SRC: variants seen among roughly 807,000 people sequenced by gnomAD.
SRC encodes SRC proto-oncogene, non-receptor tyrosine kinase.
SRC carries 13 observed loss-of-function variants against 62.9 expected under a neutral mutation model. The observed-to-expected ratio is 0.21, with a 90% CI of 0.13 to 0.33. SRC has a LOEUF of 0.33. SRC is among the 10% of genes least tolerant of loss of function. The pLI is 1.00. For synonymous variants in SRC, 302 were observed against 317.5 expected (o/e 0.95, Z 0.52); for missense variants, 457 against 737.3 (o/e 0.62, Z 4.40).
Position 37,394,271 on chromosome 20 carries a change from A to T in SRC, c.547A>T (p.Thr183Ser). The T allele has an allele frequency of 6.2e-7, 1 of 1,613,808 alleles. No homozygotes were observed. The highest frequency in any genetic ancestry group is 8.5e-7 in the Non-Finnish European group (1 of 1,179,920). ...CTTCCTCGTGCGAGAAAGTGAGACC[A>T]CGAAAGGTACGAGCGCTCTTGCTGG... is the stretch of plus-strand genomic sequence containing the variant. Reference protein sequence around the residue: ...GTFLVRESETTKGAYCLSVSD... With the variant: ...GTFLVRESETSKGAYCLSVSD... The change falls in exon 7 of 14, where the codon ACG becomes TCG. Residue 183 changes from threonine (T) to serine (S), a missense_variant. Physicochemically the swap from Thr to Ser is moderately conservative, Grantham distance 58. Coordinates refer to ENST00000373578, the MANE Select transcript of SRC (RefSeq NM_198291.3).
chr20:37,379,846 A>C (rs1267609896), intron 2 of SRC, among the ~76,000 whole-genome samples: 1 of 144,182 alleles, frequency 6.9e-6, no homozygotes. Context: ...CAGTGAGCCG[A>C]GATCGCGCCA....
At position 37,351,001 on chromosome 20, in the gene SRC, G is replaced by A. The variant is rs1314959544; in HGVS notation, c.-247+4746G>A. Among the ~76,000 whole-genome samples, 2 of 152,186 alleles carry A rather than the reference G, an allele frequency of 1.3e-5. No individual in the cohort carries two copies. The highest frequency in any genetic ancestry group is 1.3e-4 in the Admixed American group (2 of 15,286). On this transcript the variant is annotated intron_variant, in intron 1 of 13. Coordinates refer to ENST00000373578, the MANE Select transcript of SRC (RefSeq NM_198291.3). This position sits in a 1 kb window ranked among gnomAD's most constrained non-coding sequence, Gnocchi z 4.4. The stretch of plus-strand genomic sequence containing the variant: ...AAATCATCTACGCTGGGAGAAAAAT[G>A]CAGAGCTCTTGTCTTCGATCCAGGA...
chr20:37,365,656 C>T (rs2070052232), intron 2 of SRC, among the ~76,000 whole-genome samples: 1 of 151,966 alleles, frequency 6.6e-6, no homozygotes, highest in Non-Finnish European at 1.5e-5. Flanking sequence ...CACAATCATG[C>T]TCACCGTAGC....
chr20:37,354,039 T>A (rs537951574), intron 1 of SRC, among the ~76,000 whole-genome samples: 1 of 152,286 alleles, frequency 6.6e-6, no homozygotes, highest in East Asian at 1.9e-4. Context: ...AAGTGCTCGG[T>A]GCGTGTTATT....
At chr20:37,356,801 A>G (rs533303600) in intron 1 of SRC, among the ~76,000 whole-genome samples, 2 of 151,232 alleles carry the variant, frequency 1.3e-5, no homozygotes, top group South Asian at 4.2e-4. Context: ...GAGGGTCTGG[A>G]CTCTAGACAG....
intron 2 of SRC, among the ~76,000 whole-genome samples, chr20:37,375,617 C>T (rs1270869024): frequency 1.3e-5 from 2 of 152,078 alleles, no homozygotes; most frequent in Non-Finnish European, 2.9e-5. Context: ...TCCAGCAGTC[C>T]GTCTGCCTCA....
chr20:37,384,260 A>G lies in SRC; in HGVS notation c.107A>G (p.Gln36Arg). Residue 36 changes from glutamine to arginine, a missense_variant, in exon 4 of 14, where the codon CAG (glutamine) becomes CGG (arginine). Coordinates refer to ENST00000373578, the MANE Select transcript of SRC (RefSeq NM_198291.3). This position sits in a 1 kb window ranked among gnomAD's most constrained non-coding sequence, Gnocchi z 6.7. The stretch of plus-strand genomic sequence containing the variant: ...GGCGGGGGCGCTTTCCCCGCCTCGC[A>G]GACCCCCAGCAAGCCAGCCTCGGCC... Reference protein sequence around the residue: ...GAGGGAFPASQTPSKPASADG... With the variant: ...GAGGGAFPASRTPSKPASADG... 1 of 1,560,398 alleles carries G rather than the reference A, an allele frequency of 6.4e-7. No homozygotes were observed. Among genetic ancestry groups the G allele is most frequent in the East Asian group, 2.6e-5 (1 of 39,132 alleles).
chr20:37,382,104 C>T (rs2070373227), intron 2 of SRC, among the ~76,000 whole-genome samples: 1 of 152,200 alleles, frequency 6.6e-6, no homozygotes, highest in South Asian at 2.1e-4. Flanking sequence ...GCCTTTTCCC[C>T]ACTCATGGGT....
At position 37,397,926 on chromosome 20, in the gene SRC, G is replaced by T. The variant is rs996348680; in HGVS notation, c.859+72G>T. 1.3e-6 allele frequency: 2 copies of T among 1,506,074 alleles called. No individual in the cohort carries two copies. The highest frequency in any genetic ancestry group is 1.8e-6 in the Non-Finnish European group (2 of 1,127,572). The allele number at this position is 1,506,074 out of a possible 1,614,324, so 93.3% of individuals were successfully genotyped here. Reference sequence around the variant, plus strand: ...CGTGTGGCAGCTCCGGGCTCCCTTGGTCCCTTTGCCTTTAGCTGCCTCTGC... The same window carrying T: ...CGTGTGGCAGCTCCGGGCTCCCTTGTTCCCTTTGCCTTTAGCTGCCTCTGC... On this transcript the variant is annotated intron_variant, in intron 9 of 13. Coordinates refer to ENST00000373578, the MANE Select transcript of SRC (RefSeq NM_198291.3). The surrounding 1 kb of genome is among the most constrained non-coding windows in gnomAD (Gnocchi z 4.1).
At chr20:37,372,549 A>G (rs2070182241) in intron 2 of SRC, among the ~76,000 whole-genome samples, 1 of 152,144 alleles carries the variant, frequency 6.6e-6, no homozygotes, top group Non-Finnish European at 1.5e-5. Context: ...CATACTTTGT[A>G]TGATTTCACT....
At chr20:37,353,851 C>T (rs2069842533) in intron 1 of SRC, among the ~76,000 whole-genome samples, 1 of 152,158 alleles carries the variant, frequency 6.6e-6, no homozygotes, top group Non-Finnish European at 1.5e-5. Flanking sequence ...AGGGAGACTT[C>T]TCCTCTACCC....
intron 5 of SRC, among the ~76,000 whole-genome samples, chr20:37,388,784 G>T (rs1476353895): frequency 1.3e-5 from 2 of 151,160 alleles, no homozygotes; most frequent in African/African-American, 4.9e-5. Context: ...TAGGTGGGGG[G>T]CTGGTATTAG....
intron 5 of SRC, chr20:37,386,437 G>C (rs1437384642): frequency 2.8e-6 from 2 of 717,110 alleles, no homozygotes; most frequent in Non-Finnish European, 5.2e-6. Flanking sequence ...CCCTCTCTCT[G>C]CTTCTCTCTC....
At chr20:37,385,822 C>T (rs1434620781) in intron 4 of SRC, among the ~76,000 whole-genome samples, 6 of 152,264 alleles carry the variant, frequency 3.9e-5, no homozygotes, top group African/African-American at 1.2e-4. Flanking sequence ...GCACCCAGCA[C>T]TGCCCAAAGC....
At chr20:37,356,737 G>A (rs1196525434) in intron 1 of SRC, among the ~76,000 whole-genome samples, 1 of 152,158 alleles carries the variant, frequency 6.6e-6, no homozygotes, top group African/African-American at 2.4e-5. Context: ...CGACGTGGGT[G>A]AAGGGCTAGG....
chr20:37,355,394 C>T (rs1023567216), intron 1 of SRC, among the ~76,000 whole-genome samples: 5 of 152,300 alleles, frequency 3.3e-5, no homozygotes, highest in Non-Finnish European at 1.5e-5. Context: ...CGAGCTCCCC[C>T]CTCCGCCCAC....
At chr20:37,379,274 G>C (rs2070325294) in intron 2 of SRC, among the ~76,000 whole-genome samples, 1 of 152,108 alleles carries the variant, frequency 6.6e-6, no homozygotes, top group Admixed American at 6.5e-5. Context: ...GCTTCCCCTT[G>C]ACCCCCGCAA....
At chr20:37,346,117 C>A, upstream of SRC, 1 of 152,938 alleles carries the variant, frequency 6.5e-6, no homozygotes. Flanking sequence ...CTCTCTCGAT[C>A]TGTCTCTCCC....
chr20:37,346,136 A>C (rs2069713117), upstream of SRC: 1 of 150,986 alleles, frequency 6.6e-6, no homozygotes, highest in Non-Finnish European at 1.5e-5. Context: ...CCGGCCCGGA[A>C]TCCATTCCGG....
Sources: allele counts gnomAD v4.1 joint callset (sites outside exome capture counted in the v4.1 genomes callset), GRCh38; gene constraint gnomAD v4.1.1; non-coding constraint Gnocchi (gnomAD v3.1); transcripts MANE v1.5; gene names NCBI Gene and HGNC (gene_info 2026-07-23, HGNC 2026-07-21).